Variants in AK5 observed in about 807,000 individuals in gnomAD.
AK5 encodes the protein adenylate kinase 5, also known as adenylate kinase isoenzyme 5.
In AK5, 27 loss-of-function variants were observed where a neutral mutation model predicts 69.5. That is an observed-to-expected ratio of 0.39 (90% CI 0.29 to 0.54). AK5 has a LOEUF of 0.54. Among genes scored for constraint, AK5 ranks in the 20% least tolerant of loss-of-function variants. AK5 has a pLI of 0.71. For missense variants in AK5, 531 were observed against 700.4 expected, an observed-to-expected ratio of 0.76 and a Z score of 2.73; for synonymous variants, 260 against 244.4, an observed-to-expected ratio of 1.06 and a Z score of -0.60.
chr1:77,390,752 A>G, intron 6 of AK5, among the ~76,000 whole-genome samples: 1 of 152,320 alleles, frequency 6.6e-6, no homozygotes, highest in East Asian at 1.9e-4. Context: ...ACATCTTTTT[A>G]TGTATATAAT....
At chr1:77,543,711 T>C (rs1175812919) in intron 13 of AK5, among the ~76,000 whole-genome samples, 1 of 152,138 alleles carries the variant, frequency 6.6e-6, no homozygotes, top group Non-Finnish European at 1.5e-5. Flanking sequence ...AGTCCAAGTT[T>C]TCAGAATTCT....
At chr1:77,513,117 A>G (rs1340959960) in intron 10 of AK5, among the ~76,000 whole-genome samples, 1 of 152,208 alleles carries the variant, frequency 6.6e-6, no homozygotes, top group East Asian at 1.9e-4. Context: ...ATGATACTTC[A>G]TACTCCTCCA....
intron 6 of AK5, among the ~76,000 whole-genome samples, chr1:77,372,864 C>A (rs1351667490): frequency 3.9e-5 from 6 of 151,916 alleles, no homozygotes; most frequent in Non-Finnish European, 8.8e-5. Flanking sequence ...TTAATGTGAG[C>A]ATTGACCAGT....
chr1:77,404,697 T>C (rs1048440350), intron 6 of AK5, among the ~76,000 whole-genome samples: 5 of 152,194 alleles, frequency 3.3e-5, no homozygotes, highest in African/African-American at 1.2e-4. Flanking sequence ...GGTCCTGATA[T>C]AAGAGTAAAT....
intron 6 of AK5, among the ~76,000 whole-genome samples, chr1:77,372,188 A>T (rs968165671): frequency 4.6e-5 from 7 of 152,146 alleles, no homozygotes; most frequent in Admixed American, 4.6e-4. Flanking sequence ...AACAAAAAAA[A>T]AATTCCTTGG....
intron 1 of AK5, among the ~76,000 whole-genome samples, chr1:77,285,177 G>A (rs1658282566): frequency 6.6e-6 from 1 of 152,176 alleles, no homozygotes; most frequent in African/African-American, 2.4e-5. Context: ...AAGTCACACA[G>A]GGCTGAGAAT....
chr1:77,400,411 A>T (rs931215525), intron 6 of AK5, among the ~76,000 whole-genome samples: 1 of 152,254 alleles, frequency 6.6e-6, no homozygotes, highest in Non-Finnish European at 1.5e-5. Context: ...ATAAATCCAT[A>T]TAAAATCCAA....
In AK5 at chr1:77,417,644, A is replaced by G. The variant is rs1279351878; in HGVS notation, c.988A>G (p.Ser330Gly). 1 of 1,605,128 alleles carries G rather than the reference A, an allele frequency of 6.2e-7. No individual in the cohort carries two copies. The highest frequency in any genetic ancestry group is 8.5e-7 in the Non-Finnish European group (1 of 1,172,842). Reference protein sequence around the residue: ...FPNKEAAAGSSDLDPSMILDT... With the variant: ...FPNKEAAAGSGDLDPSMILDT... Reference sequence around the variant, plus strand: ...CTTTTCTTTCCTAATCTTAGGTTCAAGTGACCTTGATCCTTCGATGATATT... The same window carrying G: ...CTTTTCTTTCCTAATCTTAGGTTCAGGTGACCTTGATCCTTCGATGATATT... Residue 330 changes from serine (S) to glycine (G), a missense_variant, in exon 8 of 14, where the codon AGT (serine) becomes GGT (glycine). Transcript: ENST00000354567.
intron 8 of AK5, among the ~76,000 whole-genome samples, chr1:77,471,326 G>C (rs1557616293): frequency 6.6e-6 from 1 of 152,128 alleles, no homozygotes; most frequent in Non-Finnish European, 1.5e-5. Context: ...GTCAAATGGG[G>C]ATAATACCTC....
intron 6 of AK5, among the ~76,000 whole-genome samples, chr1:77,386,390 G>C (rs1570481226): frequency 6.6e-6 from 1 of 152,282 alleles, no homozygotes; most frequent in East Asian, 1.9e-4. Flanking sequence ...AAGGGGGCTA[G>C]AGCTGAGTGT....
intron 8 of AK5, among the ~76,000 whole-genome samples, chr1:77,481,773 C>T (rs370031762): frequency 1.3e-5 from 2 of 152,198 alleles, no homozygotes; most frequent in Non-Finnish European, 2.9e-5. Context: ...TACATTTACT[C>T]TTTGACCATG....
rs183247212 is a variant in AK5, at chr1:77,401,525, G to A, written c.892-9456G>A. On this transcript the variant is annotated intron_variant, in intron 6 of 13. Transcript: ENST00000354567. ...CAATTGATTTCCCCATCAAGAAGGA[G>A]AGGAAAAAAATGGGAGACAGACCTA... 7.4e-4 allele frequency among the ~76,000 whole-genome samples: 111 copies of A among 150,108 alleles called. 1 individual carries two copies. The Admixed American group carries it at 7.5e-3, about 10-fold the overall frequency.
At position 77,296,319 on chromosome 1, in the gene AK5, T is replaced by C. The variant is rs1473502593; in HGVS notation, c.416-1240T>C. ...TGAGATGGACCCTAATATTTATAAG[T>C]TTTAGAGATAAGTGAACAGAACAAA... On this transcript the variant is annotated intron_variant, in intron 3 of 13. Transcript: ENST00000354567. Among the ~76,000 whole-genome samples, 14 of 152,196 alleles carry C rather than the reference T, an allele frequency of 9.2e-5. No individual in the cohort carries two copies. The East Asian group carries it at 2.7e-3, about 29-fold the overall frequency.
At chr1:77,387,453 A>G (rs992600251) in intron 6 of AK5, among the ~76,000 whole-genome samples, 1 of 152,214 alleles carries the variant, frequency 6.6e-6, no homozygotes, top group African/African-American at 2.4e-5. Flanking sequence ...CAGAGCTTTG[A>G]CCAGCATGAG....
At chr1:77,455,622 A>C (rs1653432958) in intron 8 of AK5, among the ~76,000 whole-genome samples, 1 of 152,116 alleles carries the variant, frequency 6.6e-6, no homozygotes, top group African/African-American at 2.4e-5. Context: ...GTGAGCTATA[A>C]ATTTCCATTG....
intron 5 of AK5, among the ~76,000 whole-genome samples, chr1:77,308,508 G>A (rs1266699620): frequency 6.6e-6 from 1 of 150,994 alleles, no homozygotes; most frequent in East Asian, 2.0e-4. Flanking sequence ...TGAGGGGAAA[G>A]GAATCAAGAT....
chr1:77,315,055 A>T (rs1660174881), intron 5 of AK5: 1 of 152,178 alleles, frequency 6.6e-6, no homozygotes, highest in Non-Finnish European at 1.5e-5. Flanking sequence ...ATAAATACAT[A>T]CAATGATTAG....
At chr1:77,358,938 AAAG>A (rs1436099933) in intron 6 of AK5, among the ~76,000 whole-genome samples, 2 of 151,968 alleles carry the variant, frequency 1.3e-5, no homozygotes, top group Admixed American at 6.6e-5. Context: ...AACAAAAAAA[AAAG>A]AAGAAGAAAA....
intron 8 of AK5, among the ~76,000 whole-genome samples, chr1:77,455,442 A>T (rs934278250): frequency 6.6e-6 from 1 of 152,162 alleles, no homozygotes; most frequent in Non-Finnish European, 1.5e-5. Flanking sequence ...TTTGCTGGAG[A>T]AAATGAAGAG....
Sources: allele counts gnomAD v4.1 joint callset (sites outside exome capture counted in the v4.1 genomes callset), GRCh38; gene constraint gnomAD v4.1.1; transcripts MANE v1.5; gene names NCBI Gene and HGNC (gene_info 2026-07-23, HGNC 2026-07-21).